NHS: variants seen among roughly 807,000 people sequenced by gnomAD.
The protein encoded by NHS is actin remodeling regulator NHS.
NHS carries 5 observed loss-of-function variants against 72.5 expected under a neutral mutation model. The ratio of observed to expected loss-of-function variants is 0.07; its 90% CI spans 0.04 to 0.14. The LOEUF (loss-of-function observed/expected upper bound fraction) is 0.14. Ranked by LOEUF, NHS falls within the 10% of genes least tolerant of loss-of-function variation. The pLI is 1.00. For missense variants in NHS, 1,072 were observed against 1,355.7 expected (o/e 0.79, Z 3.29); for synonymous variants, 464 against 547.7 (o/e 0.85, Z 2.13).
intron 1 of NHS, among the ~76,000 whole-genome samples, chrX:17,682,833 T>C (rs1002734291): frequency 4.5e-5 from 5 of 110,956 alleles, no homozygotes; most frequent in Non-Finnish European, 9.4e-5. Context: ...GAGAATCAAA[T>C]GAGTAGCACC....
chrX:17,699,403 T>C (rs1160366933), intron 3 of NHS, among the ~76,000 whole-genome samples: 1 of 111,836 alleles, frequency 8.9e-6, no homozygotes, highest in Non-Finnish European at 1.9e-5. Context: ...GACCAGAGTA[T>C]ATATAAAAAC....
At chrX:17,636,221 C>A (rs775339527) in intron 1 of NHS, among the ~76,000 whole-genome samples, 8 of 112,318 alleles carry the variant, frequency 7.1e-5, no homozygotes, top group Admixed American at 5.6e-4. Context: ...AGACCCAAAT[C>A]CCCCAACCTC....
chrX:17,675,327 T>C (rs1453932224), intron 1 of NHS, among the ~76,000 whole-genome samples: 3 of 112,511 alleles, frequency 2.7e-5, no homozygotes, highest in Non-Finnish European at 5.6e-5. Flanking sequence ...CAAGAGAAAA[T>C]AGATCAATTA....
chrX:17,519,055 AG>A (rs762115232), intron 1 of NHS, among the ~76,000 whole-genome samples: 1 of 112,077 alleles, frequency 8.9e-6, no homozygotes, highest in South Asian at 3.7e-4. Flanking sequence ...TGTTGTGCTT[AG>A]GTTCTAGTAA....
intron 1 of NHS, among the ~76,000 whole-genome samples, chrX:17,382,470 TAAAC>T (rs1464740174): frequency 8.9e-6 from 1 of 112,431 alleles, no homozygotes; most frequent in Non-Finnish European, 1.9e-5. Context: ...TGTTTGTTCT[TAAAC>T]AAATTCTTCA....
rs1238645138 is a variant in NHS, at chrX:17,725,589, A to G, written c.1483A>G (p.Thr495Ala). The change falls in exon 7 of 9, where the codon ACT becomes GCT. Residue 495 changes from threonine to alanine, a missense_variant. Coordinates refer to ENST00000676302, the MANE Select transcript of NHS (RefSeq NM_001291867.2). Reference sequence around the variant, plus strand: ...AGCAGACAAAGGTGACACCATGTTTACTCCTGCAGTGAGCAGCCGCACAAG... The same window carrying G: ...AGCAGACAAAGGTGACACCATGTTTGCTCCTGCAGTGAGCAGCCGCACAAG... ...ALADKGDTMF[T>A]PAVSSRTRSR... The G allele has an allele frequency of 8.3e-7, 1 of 1,210,194 alleles. No homozygotes were observed. Among genetic ancestry groups the G allele is most frequent in the Admixed American group, 2.2e-5 (1 of 45,840 alleles).
intron 1 of NHS, among the ~76,000 whole-genome samples, chrX:17,650,563 C>T (rs761250168): frequency 8.9e-6 from 1 of 112,406 alleles, no homozygotes; most frequent in African/African-American, 3.2e-5. Flanking sequence ...AGTTCCTCTC[C>T]TGTATCCCAC....
chrX:17,609,764 T>A (rs974014411), intron 1 of NHS, among the ~76,000 whole-genome samples: 1 of 111,541 alleles, frequency 9.0e-6, no homozygotes, highest in African/African-American at 3.3e-5. Flanking sequence ...TCTATGGCAG[T>A]AGCTGAGGTG....
chrX:17,572,113 G>A, intron 1 of NHS, among the ~76,000 whole-genome samples: 1 of 111,848 alleles, frequency 8.9e-6, no homozygotes, highest in Non-Finnish European at 1.9e-5. Flanking sequence ...GAATAAGTGT[G>A]ATGTGTTGCT....
chrX:17,422,889 GA>G (rs747865048), intron 1 of NHS, among the ~76,000 whole-genome samples: 7 of 111,462 alleles, frequency 6.3e-5, no homozygotes, highest in South Asian at 3.8e-4. Context: ...GTAATATTAT[GA>G]AAAAAAGGTA....
chrX:17,460,089 A>G (rs1408113751), intron 1 of NHS, among the ~76,000 whole-genome samples: 2 of 111,310 alleles, frequency 1.8e-5, no homozygotes, highest in African/African-American at 6.5e-5. Context: ...GGTTAGAAAG[A>G]TGAAGATGGT....
At chrX:17,639,544 TATAAC>T (rs373516301) in intron 1 of NHS, among the ~76,000 whole-genome samples, 317 of 111,119 alleles carry the variant, frequency 2.9e-3, no homozygotes, top group African/African-American at 9.6e-3. Flanking sequence ...AACTGGCTCT[TATAAC>T]ATATCTACTC....
intron 1 of NHS, among the ~76,000 whole-genome samples, chrX:17,529,532 T>G (rs1196129868): frequency 9.0e-6 from 1 of 111,507 alleles, no homozygotes; most frequent in Non-Finnish European, 1.9e-5. Context: ...TTAGTGTCAC[T>G]GAAGCCGACA....
intron 1 of NHS, among the ~76,000 whole-genome samples, chrX:17,568,227 C>A (rs12010218): frequency 0.45 from 49,557 of 111,004 alleles, 8,934 homozygotes; most frequent in East Asian, 0.76. Flanking sequence ...AGCCTTTCCA[C>A]TTCCAGAGTG....
intron 8 of NHS, among the ~76,000 whole-genome samples, chrX:17,729,694 C>A (rs545119979): frequency 3.6e-5 from 4 of 111,882 alleles, no homozygotes; most frequent in Non-Finnish European, 7.5e-5. Context: ...GACCAAAGAA[C>A]AGAACAGGAA....
chrX:17,477,547 G>A (rs965370646), intron 1 of NHS, among the ~76,000 whole-genome samples: 7 of 112,160 alleles, frequency 6.2e-5, no homozygotes, highest in African/African-American at 2.3e-4. Flanking sequence ...GGGGCTTTTA[G>A]CAAAGAAGGG....
At chrX:17,666,264 G>A (rs922960545) in intron 1 of NHS, among the ~76,000 whole-genome samples, 1 of 112,421 alleles carries the variant, frequency 8.9e-6, no homozygotes, top group African/African-American at 3.2e-5. Flanking sequence ...AAATGGTATT[G>A]AGGGAAATGA....
intron 1 of NHS, among the ~76,000 whole-genome samples, chrX:17,523,635 G>C (rs2065160271): frequency 9.0e-6 from 1 of 111,546 alleles, no homozygotes; most frequent in Non-Finnish European, 1.9e-5. Context: ...AGGGAAAACA[G>C]ATAGGGCGGC....
chrX:17,565,430 G>C (rs1175285598), intron 1 of NHS, among the ~76,000 whole-genome samples: 1 of 112,555 alleles, frequency 8.9e-6, no homozygotes, highest in Non-Finnish European at 1.9e-5. Context: ...TAAGTTACTA[G>C]ATTTTGGAAT....
Sources: allele counts gnomAD v4.1 joint callset (sites outside exome capture counted in the v4.1 genomes callset), GRCh38; gene constraint gnomAD v4.1.1; transcripts MANE v1.5; gene names NCBI Gene and HGNC (gene_info 2026-07-23, HGNC 2026-07-21).